TPO: variants seen among roughly 807,000 people sequenced by gnomAD.
TPO encodes the protein thyroid peroxidase, also known as thyroid microsomal antigen.
In TPO, 78 loss-of-function variants were observed where a neutral mutation model predicts 96.9. That is an observed-to-expected ratio of 0.81 (90% CI 0.67 to 0.97). TPO has a LOEUF of 0.97. Ranked by LOEUF, TPO falls within the 50% of genes least tolerant of loss-of-function variation. TPO has a pLI of 0.00. For synonymous variants in TPO, 547 were observed against 538.0 expected (o/e 1.02, Z -0.23); for missense variants, 1,252 against 1,274.8 (o/e 0.98, Z 0.27).
chr2:1,494,216 T>A (rs1172700390), intron 11 of TPO, among the ~76,000 whole-genome samples, 177 bp downstream of exon 11: 1 of 152,204 alleles, frequency 6.6e-6, no homozygotes, highest in East Asian at 1.9e-4. Flanking sequence ...ACAGTGTTTT[T>A]ATAACAATGA....
chr2:1,394,671 G>A (rs1289944303), intron 1 of TPO, among the ~76,000 whole-genome samples: 1 of 152,228 alleles, frequency 6.6e-6, no homozygotes, highest in African/African-American at 2.4e-5. Context: ...CCACTGTCCT[G>A]GACGCATGGA....
chr2:1,405,786 C>T (rs1662242148), intron 1 of TPO, among the ~76,000 whole-genome samples: 1 of 152,194 alleles, frequency 6.6e-6, no homozygotes, highest in South Asian at 2.1e-4. Context: ...TTGTCAAGCA[C>T]AGAACTTGAC....
intron 14 of TPO, among the ~76,000 whole-genome samples, chr2:1,510,213 G>A (rs1181401184): frequency 5.3e-5 from 8 of 152,036 alleles, no homozygotes. Flanking sequence ...GAATTGCAAA[G>A]GTAGCCAGGT....
intron 7 of TPO, among the ~76,000 whole-genome samples, chr2:1,471,635 C>G (rs941733342): frequency 6.6e-6 from 1 of 152,176 alleles, no homozygotes. Context: ...TTGCTAGACT[C>G]TCCTCCTGCT....
chr2:1,489,890 G>A (rs926720670), intron 10 of TPO, among the ~76,000 whole-genome samples: 7 of 152,210 alleles, frequency 4.6e-5, no homozygotes, highest in African/African-American at 1.4e-4. Flanking sequence ...ACGTTTGAGC[G>A]TTGGGGACGC....
At chr2:1,493,218 G>GGT (rs1191653422) in intron 10 of TPO, among the ~76,000 whole-genome samples, 3 of 106,476 alleles carry the variant, frequency 2.8e-5, no homozygotes, top group East Asian at 4.0e-4. Context: ...GTGGGGGGGG[G>GGT]GGTGCTGGCT....
chr2:1,505,150 G>A (rs1390798242), intron 14 of TPO, among the ~76,000 whole-genome samples: 4 of 152,292 alleles, frequency 2.6e-5, no homozygotes, highest in Admixed American at 6.5e-5. Flanking sequence ...GCGGCTGCCC[G>A]GGGCCTTCAG....
At chr2:1,494,850 C>T (rs1672169668) in intron 11 of TPO, among the ~76,000 whole-genome samples, 2 of 152,324 alleles carry the variant, frequency 1.3e-5, no homozygotes, top group African/African-American at 2.4e-5. Flanking sequence ...ACCTGCCACA[C>T]GCTGGGGCTC....
At chr2:1,515,828 C>T (rs959354313) in intron 14 of TPO, among the ~76,000 whole-genome samples, 2 of 152,112 alleles carry the variant, frequency 1.3e-5, no homozygotes, top group Non-Finnish European at 2.9e-5. Context: ...CCTGAATGTG[C>T]TCTCTTAGCC....
At chr2:1,462,541 C>CAT (rs58980999) in intron 7 of TPO, among the ~76,000 whole-genome samples, 11,287 of 147,862 alleles carry the variant, frequency 0.076, 1,555 homozygotes, top group African/African-American at 0.16. Context: ...CACACACACA[C>CAT]AGATATCAAT....
chr2:1,453,663 C>A lies in TPO; in HGVS notation c.483-31C>A, dbSNP rs377178140. 5 of 1,613,718 alleles carry A rather than the reference C, an allele frequency of 3.1e-6. No homozygotes were observed. The African/African-American group carries it at 5.3e-5, about 17-fold the overall frequency. On this transcript the variant is annotated intron_variant, in intron 5 of 16. Coordinates refer to ENST00000329066, the MANE Select transcript of TPO (RefSeq NM_001206744.2). ...CTGCTTCTGTGTTCTTCTCCCCCAT[C>A]TCAAACACATCCTTGCATTTGTCTC...
At chr2:1,428,209 C>T (rs1374313940) in intron 3 of TPO, among the ~76,000 whole-genome samples, 1 of 152,218 alleles carries the variant, frequency 6.6e-6, no homozygotes, top group Non-Finnish European at 1.5e-5. Flanking sequence ...AAGTAACATG[C>T]AGCCCTGGGC....
intron 15 of TPO, among the ~76,000 whole-genome samples, chr2:1,539,085 A>G (rs1464122813): frequency 2.0e-5 from 3 of 152,162 alleles, no homozygotes; most frequent in African/African-American, 7.2e-5. Flanking sequence ...CATCTGAAAA[A>G]AACCTTACTT....
intron 5 of TPO, among the ~76,000 whole-genome samples, chr2:1,448,557 G>T (rs764054539): frequency 1.2e-4 from 19 of 152,178 alleles, no homozygotes; most frequent in Non-Finnish European, 1.9e-4. Context: ...GCCGGCCATC[G>T]TAAGAGTTAC....
At chr2:1,465,815 C>T (rs1288714801) in intron 7 of TPO, among the ~76,000 whole-genome samples, 1 of 152,082 alleles carries the variant, frequency 6.6e-6, no homozygotes, top group Non-Finnish European at 1.5e-5. Context: ...TTAGGGTTTT[C>T]TAGGTAAACA....
chr2:1,385,293 C>T (rs1347597483), intron 1 of TPO, among the ~76,000 whole-genome samples: 2 of 152,282 alleles, frequency 1.3e-5, no homozygotes, highest in Admixed American at 6.5e-5. Flanking sequence ...GGTACCAGCT[C>T]CTCCTTGTAC....
intron 1 of TPO, among the ~76,000 whole-genome samples, chr2:1,385,707 A>G (rs1661883122): frequency 1.3e-5 from 2 of 149,616 alleles, no homozygotes; most frequent in African/African-American, 2.4e-5. Flanking sequence ...TTGTGTCTCT[A>G]TCTACTTCAG....
intron 15 of TPO, among the ~76,000 whole-genome samples, chr2:1,520,185 T>C (rs1675104454): frequency 6.6e-6 from 1 of 152,006 alleles, no homozygotes; most frequent in African/African-American, 2.4e-5. Context: ...GCTCAGAAGG[T>C]CAAGTCACTC....
At chr2:1,521,478 C>G (rs1675255761) in intron 15 of TPO, among the ~76,000 whole-genome samples, 1 of 152,100 alleles carries the variant, frequency 6.6e-6, no homozygotes. Context: ...CCCCAGGACC[C>G]TCCTCCCCAG....
Sources: allele counts gnomAD v4.1 joint callset (sites outside exome capture counted in the v4.1 genomes callset), GRCh38; gene constraint gnomAD v4.1.1; transcripts MANE v1.5; gene names NCBI Gene and HGNC (gene_info 2026-07-23, HGNC 2026-07-21).